Variants in PCDHA2 observed in about 807,000 individuals in gnomAD.
PCDHA2 encodes the protein protocadherin alpha-2.
In PCDHA2, 58 loss-of-function variants were observed where a neutral mutation model predicts 66.0. That is an observed-to-expected ratio of 0.88 (90% CI 0.71 to 1.09). PCDHA2 has a LOEUF of 1.09. PCDHA2 is among the 50% of genes least tolerant of loss of function. The probability of loss-of-function intolerance (pLI) is 0.00; values close to 1 mark genes in which losing one functional copy is unlikely to be tolerated. For missense variants in PCDHA2, 1,267 were observed against 1,242.3 expected, an observed-to-expected ratio of 1.02 and a Z score of -0.30; for synonymous variants, 634 against 554.0, an observed-to-expected ratio of 1.14 and a Z score of -2.03.
chr5:140,897,881 C>G (rs1417702752), intron 1 of PCDHA2, among the ~76,000 whole-genome samples: 1 of 152,312 alleles, frequency 6.6e-6, no homozygotes, highest in Admixed American at 6.5e-5. Context: ...GATTGCCATT[C>G]TAACTGGTGT....
chr5:140,868,044 A>G (rs1224087993), intron 1 of PCDHA2: 1 of 152,140 alleles, frequency 6.6e-6, no homozygotes, highest in Non-Finnish European at 1.5e-5. Flanking sequence ...TGGAAATACC[A>G]ATATGGCACA....
At chr5:140,852,397 C>A in intron 1 of PCDHA2, 1 of 184,368 alleles carries the variant, frequency 5.4e-6, no homozygotes, top group Non-Finnish European at 1.2e-5. Flanking sequence ...CCTGCCTCAG[C>A]CTCCTGAGTA....
intron 1 of PCDHA2, among the ~76,000 whole-genome samples, chr5:140,826,875 T>C (rs532892808): frequency 6.6e-6 from 1 of 152,100 alleles, no homozygotes; most frequent in Non-Finnish European, 1.5e-5. Context: ...TAAAATTCAA[T>C]GAAAGCTGTA....
rs2098417240 is a variant in PCDHA2 at position 141,010,418 on chromosome 5, G to A, written c.*481G>A. Reference sequence around the variant, plus strand: ...AGCCAGCTTAGACTAATTGGTACAAGGAAGGCAAGAAAACAAAGACAAATA... The same window carrying A: ...AGCCAGCTTAGACTAATTGGTACAAAGAAGGCAAGAAAACAAAGACAAATA... On this transcript the variant is annotated 3_prime_UTR_variant, in exon 4 of 4. Coordinates refer to ENST00000526136, the MANE Select transcript of PCDHA2 (RefSeq NM_018905.3). The A allele has an allele frequency of 3.4e-6, 4 of 1,168,142 alleles. No homozygotes were observed. The East Asian group carries it at 1.0e-4, about 30-fold the overall frequency. The allele number at this position is 1,168,142 out of a possible 1,614,324, so 72.4% of individuals were successfully genotyped here. A position where few individuals can be genotyped will look rare whatever the true frequency, so the allele number is the denominator to read the frequency against.
At chr5:140,951,403 G>A (rs62384504) in intron 1 of PCDHA2, among the ~76,000 whole-genome samples, 5,903 of 152,130 alleles carry the variant, frequency 0.039, 173 homozygotes, top group Non-Finnish European at 0.058. Flanking sequence ...AAGAAAAGAG[G>A]TTTAATTGGC....
intron 1 of PCDHA2, chr5:140,823,017 C>T: frequency 6.2e-7 from 1 of 1,614,228 alleles, no homozygotes; most frequent in Admixed American, 1.7e-5. Context: ...CCCTGGACCG[C>T]GAGAGCGTGT....
At chr5:140,901,927 A>C (rs2068986448) in intron 1 of PCDHA2, among the ~76,000 whole-genome samples, 1 of 151,764 alleles carries the variant, frequency 6.6e-6, no homozygotes. Context: ...TCTTTGGTTA[A>C]TTCCTAGGTA....
chr5:141,000,499 C>T (rs2097942558), intron 3 of PCDHA2, among the ~76,000 whole-genome samples: 1 of 138,650 alleles, frequency 7.2e-6, no homozygotes, highest in African/African-American at 2.7e-5. Context: ...AAGATCTCGG[C>T]TCACTGCAAC....
chr5:140,822,224 G>A lies in PCDHA2; in HGVS notation c.2388+24872G>A, dbSNP rs2150114696. ...TTAGAGTCAAGAATGCCAGATTCGC[G>A]GTTTCCGCTAGAGGGCGCGTCGGAT... On this transcript the variant is annotated intron_variant, in intron 1 of 3. Transcript: ENST00000526136. 10 of 1,614,208 alleles carry A rather than the reference G, an allele frequency of 6.2e-6. No homozygotes were observed. In the South Asian group the frequency reaches 8.8e-5, roughly 14 times the overall value.
At chr5:140,870,299 C>T (rs62622798) in intron 1 of PCDHA2, 44,120 of 1,614,102 alleles carry the variant, frequency 0.027, 770 homozygotes, top group Admixed American at 0.064. Flanking sequence ...CTGGTGTCCA[C>T]CTTCAAGAAT....
At position 140,801,491 on chromosome 5, in the gene PCDHA2, G is replaced by A. The variant is rs138150756; in HGVS notation, c.2388+4139G>A. Reference sequence around the variant, plus strand: ...TAGACCGCGAGGAACTGTGCGGGCGGAGCGCGGAGTGCAGCATCCACCTGG... The same window carrying A: ...TAGACCGCGAGGAACTGTGCGGGCGAAGCGCGGAGTGCAGCATCCACCTGG... On this transcript the variant is annotated intron_variant, in intron 1 of 3. Transcript: ENST00000526136. 1,845 of 1,614,176 alleles carry A rather than the reference G, an allele frequency of 1.1e-3. 3 individuals are homozygous for A. The highest frequency in any genetic ancestry group is 1.4e-3 in the Non-Finnish European group (1,704 of 1,180,058).
At chr5:140,823,589 GGCTTTCGTATGA>G (rs1456644186) in intron 1 of PCDHA2, 1 of 1,613,884 alleles carries the variant, frequency 6.2e-7, no homozygotes, top group Non-Finnish European at 8.5e-7. Flanking sequence ...TACAACGCTT[GGCTTTCGTATGA>G]GCTGCAGCCA....
rs2150359947 is a variant in PCDHA2, at chr5:140,843,438, C to T, written c.2388+46086C>T. The T allele has an allele frequency of 2.5e-6, 4 of 1,595,980 alleles. No homozygotes were observed. In the African/African-American group the frequency reaches 5.4e-5, roughly 21 times the overall value. ...GTGTACCTGATCATCGCCATCTGCGCGGTATCCAGCCTGCTGGTGCTCACG... is the reference window on the plus strand; with the variant it reads ...GTGTACCTGATCATCGCCATCTGCGTGGTATCCAGCCTGCTGGTGCTCACG... On this transcript the variant is annotated intron_variant, in intron 1 of 3. Coordinates refer to ENST00000526136, the MANE Select transcript of PCDHA2 (RefSeq NM_018905.3).
rs184817309 is a variant in PCDHA2, at chr5:140,876,910, T to G, written c.2388+79558T>G. On this transcript the variant is annotated intron_variant, in intron 1 of 3. Coordinates refer to ENST00000526136, the MANE Select transcript of PCDHA2 (RefSeq NM_018905.3). The stretch of plus-strand genomic sequence containing the variant: ...CTGCCACATCTTCACGGTGTCGGCA[T>G]GGGACGCGGACGCGCAGAAGAACGC... 1.1e-5 allele frequency: 18 copies of G among 1,613,860 alleles called. No homozygotes were observed. The South Asian group carries it at 1.4e-4, about 13-fold the overall frequency.
At chr5:140,929,554 C>T (rs899446101) in intron 1 of PCDHA2, 4 of 488,414 alleles carry the variant, frequency 8.2e-6, no homozygotes, top group Non-Finnish European at 1.4e-5. Context: ...AAAATTAAAA[C>T]CTATTTAAGA....
chr5:140,886,843 A>G (rs1247447766), intron 1 of PCDHA2, among the ~76,000 whole-genome samples: 8 of 150,852 alleles, frequency 5.3e-5, no homozygotes, highest in African/African-American at 1.5e-4. Flanking sequence ...AAAAAAAAAA[A>G]AAAAGAAAGG....
At chr5:140,986,005 C>G (rs912493095) in intron 3 of PCDHA2, among the ~76,000 whole-genome samples, 1 of 152,040 alleles carries the variant, frequency 6.6e-6, no homozygotes, top group African/African-American at 2.4e-5. Flanking sequence ...TCCCAAAGTG[C>G]TGGGATTACA....
chr5:140,963,570 G>A (rs1011231723), intron 1 of PCDHA2, among the ~76,000 whole-genome samples: 6 of 152,180 alleles, frequency 3.9e-5, no homozygotes, highest in African/African-American at 1.2e-4. Flanking sequence ...TTCTGGTTTT[G>A]TTCTCAAAAT....
At chr5:140,863,422 G>A (rs782158453) in intron 1 of PCDHA2, 1 of 689,156 alleles carries the variant, frequency 1.5e-6, no homozygotes, top group South Asian at 1.3e-5. Flanking sequence ...GTACCGCAGC[G>A]TAGTGGGATC....
Sources: allele counts gnomAD v4.1 joint callset (sites outside exome capture counted in the v4.1 genomes callset), GRCh38; gene constraint gnomAD v4.1.1; transcripts MANE v1.5; gene names NCBI Gene and HGNC (gene_info 2026-07-23, HGNC 2026-07-21).